The following SUN1 variants were observed in gnomAD, a reference collection of about 807,000 sequenced individuals.
SUN1 encodes the protein SUN domain-containing protein 1.
Under a neutral mutation model 103.2 loss-of-function variants are expected in SUN1, and 61 were observed. The observed-to-expected ratio is 0.59, with a 90% CI of 0.48 to 0.73. The LOEUF (loss-of-function observed/expected upper bound fraction) is 0.73. SUN1 is among the 30% of genes least tolerant of loss of function. The pLI is 0.00. For synonymous variants in SUN1, 490 were observed against 425.7 expected, an observed-to-expected ratio of 1.15 and a Z score of -1.86; for missense variants, 1,052 against 1,034.6, an observed-to-expected ratio of 1.02 and a Z score of -0.23.
intron 17 of SUN1, among the ~76,000 whole-genome samples, chr7:870,606 A>G (rs1840822601): frequency 6.6e-6 from 1 of 152,176 alleles, no homozygotes; most frequent in South Asian, 2.1e-4. Context: ...AGGAAAAAAA[A>G]GAGGAAATTG....
intron 15 of SUN1, 63 bp from the exon 16 acceptor site, chr7:865,889 C>T (rs1836105322): frequency 1.6e-6 from 2 of 1,287,600 alleles, no homozygotes; most frequent in African/African-American, 1.5e-5. Flanking sequence ...TGAAGTGGTG[C>T]AGTACTATTG....
At chr7:818,195 C>T (rs1054306228) in intron 1 of SUN1, among the ~76,000 whole-genome samples, 10 of 152,244 alleles carry the variant, frequency 6.6e-5, no homozygotes, top group Non-Finnish European at 1.3e-4. Flanking sequence ...ACTGCCCATT[C>T]TTCCGTCTCC....
At chr7:826,019 G>T (rs1002618321) in intron 1 of SUN1, among the ~76,000 whole-genome samples, 1 of 151,954 alleles carries the variant, frequency 6.6e-6, no homozygotes, top group Non-Finnish European at 1.5e-5. Flanking sequence ...GAGGAAAATC[G>T]CTTGAGGCCA....
At chr7:830,965 G>T, upstream of SUN1, 1 of 985,528 alleles carries the variant, frequency 1.0e-6, no homozygotes, top group Non-Finnish European at 1.2e-6. Context: ...CCCAGGCATG[G>T]TGTATAGGTG....
At chr7:859,516 G>T (rs955498854) in intron 13 of SUN1, among the ~76,000 whole-genome samples, 2 of 152,226 alleles carry the variant, frequency 1.3e-5, no homozygotes, top group African/African-American at 4.8e-5. Context: ...AGGGTAGAAA[G>T]CAGCTACGTG....
At position 851,572 on chromosome 7, in the gene SUN1, T is replaced by G. The variant is rs1386950189; in HGVS notation, c.757+90T>G. The G allele has an allele frequency of 4.5e-6, 5 of 1,113,854 alleles. 1 individual carries two copies. The Admixed American group carries it at 8.3e-5, about 19-fold the overall frequency. 69.0% of individuals were successfully genotyped at this position (1,113,854 alleles called of 1,614,324 possible). ...CGATTTACCTAACCAAGTAAAAATC[T>G]CATTTAGGCTCTCATGCTTTGACCC... On this transcript the variant is annotated intron_variant, in intron 6 of 18. Coordinates refer to ENST00000401592, the MANE Select transcript of SUN1 (RefSeq NM_001130965.3).
intron 1 of SUN1, among the ~76,000 whole-genome samples, chr7:821,517 C>T (rs1162713225): frequency 6.6e-6 from 1 of 152,134 alleles, no homozygotes; most frequent in Non-Finnish European, 1.5e-5. Context: ...CAGGTCATAA[C>T]CATTGTTTCC....
upstream of SUN1, chr7:830,898 G>A: frequency 1.0e-6 from 1 of 967,464 alleles, no homozygotes; most frequent in Non-Finnish European, 1.2e-6. Flanking sequence ...TTGCATTGCT[G>A]CTGGGCGGGG....
chr7:833,567 T>A (rs1173425978), intron 1 of SUN1, among the ~76,000 whole-genome samples: 2 of 152,160 alleles, frequency 1.3e-5, no homozygotes. Context: ...CACCTCGGCC[T>A]CCCAAAGTGC....
intron 7 of SUN1, 67 bp from the exon 8 acceptor site, chr7:852,542 G>C (rs1823226440): frequency 6.3e-7 from 1 of 1,597,314 alleles, no homozygotes; most frequent in Non-Finnish European, 8.6e-7. Context: ...ATCTAGAGGG[G>C]GAAAACAGAT....
At chr7:864,484 G>T (rs1436375815) in intron 15 of SUN1, among the ~76,000 whole-genome samples, 3 of 151,214 alleles carry the variant, frequency 2.0e-5, no homozygotes, top group African/African-American at 7.3e-5. Flanking sequence ...AACCTGGGTG[G>T]TGGAGGTTGT....
rs1843010376 is a variant in SUN1, at chr7:873,488, G to A, written c.*157G>A. The A allele has an allele frequency of 9.7e-6, 7 of 725,376 alleles. No individual in the cohort carries two copies. Among genetic ancestry groups the A allele is most frequent in the Non-Finnish European group, 1.6e-5 (7 of 443,548 alleles). The allele number at this position is 725,376 out of a possible 1,614,324, so 44.9% of individuals were successfully genotyped here. A position where few individuals can be genotyped will look rare whatever the true frequency, so the allele number is the denominator to read the frequency against. On this transcript the variant is annotated 3_prime_UTR_variant, in exon 19 of 19. Coordinates refer to ENST00000401592, the MANE Select transcript of SUN1 (RefSeq NM_001130965.3). ...CAGAGGACGTGAGCGTGTGACGGGC[G>A]CCTTGGCGCCACCTGTTGGGTGCTC...
At chr7:838,707 T>G in intron 1 of SUN1, 91 bp from the exon 2 acceptor site, 1 of 1,304,208 alleles carries the variant, frequency 7.7e-7, no homozygotes, top group Non-Finnish European at 1.0e-6. Flanking sequence ...AAATCCACAG[T>G]ACATTGCACT....
intron 1 of SUN1, chr7:833,346 C>T (rs1038113236): frequency 4.0e-5 from 6 of 150,738 alleles, no homozygotes; most frequent in African/African-American, 9.8e-5. Context: ...AGAGTCTCAC[C>T]GTCGCCCAGG....
chr7:819,531 G>C (rs1012598375), intron 1 of SUN1, among the ~76,000 whole-genome samples: 1 of 152,072 alleles, frequency 6.6e-6, no homozygotes, highest in Admixed American at 6.6e-5. Context: ...ATGTGTGGTA[G>C]GTTCTGACTT....
intron 11 of SUN1, among the ~76,000 whole-genome samples, chr7:855,785 C>A (rs969842991): frequency 2.0e-5 from 3 of 152,132 alleles, no homozygotes; most frequent in Non-Finnish European, 4.4e-5. Context: ...CTGTGGGGCG[C>A]CTCCTCCTCT....
At chr7:827,185 C>G (rs1483501499) in intron 1 of SUN1, among the ~76,000 whole-genome samples, 1 of 151,998 alleles carries the variant, frequency 6.6e-6, no homozygotes, top group African/African-American at 2.4e-5. Flanking sequence ...CCACGCCCGG[C>G]TAAGTTTTGT....
upstream of SUN1, among the ~76,000 whole-genome samples, chr7:829,234 C>T (rs1336839715): frequency 6.6e-6 from 1 of 152,260 alleles, no homozygotes; most frequent in African/African-American, 2.4e-5. Flanking sequence ...GTCTCTCAGA[C>T]AGGTGACCGA....
At chr7:849,561 C>T (rs1464675344) in intron 5 of SUN1, 2 of 1,409,850 alleles carry the variant, frequency 1.4e-6, no homozygotes, top group Non-Finnish European at 1.9e-6. Context: ...GAGAGAGGTT[C>T]TCAGAGAGGA....
Sources: gnomAD v4.1 joint callset for allele counts (sites outside exome capture counted in the v4.1 genomes callset) on GRCh38, gnomAD v4.1.1 for gene constraint, MANE v1.5 for transcripts, NCBI Gene and HGNC (gene_info 2026-07-23, HGNC 2026-07-21) for gene names.